DHX8: variants seen among roughly 807,000 people sequenced by gnomAD.
DHX8 encodes the protein ATP-dependent RNA helicase DHX8.
DHX8 carries 67 observed loss-of-function variants against 140.7 expected under a neutral mutation model. The observed-to-expected ratio is 0.48, with a 90% confidence interval of 0.39 to 0.58. The LOEUF is 0.58. Ranked by LOEUF, DHX8 falls within the 20% of genes least tolerant of loss-of-function variation. The probability of loss-of-function intolerance (pLI) is 0.00; values close to 1 mark genes in which losing one functional copy is unlikely to be tolerated. For synonymous variants in DHX8, 533 were observed against 553.2 expected (o/e 0.96, Z 0.51); for missense variants, 887 against 1,550.7 (o/e 0.57, Z 7.19).
chr17:43,489,622 G>GCAAAA, intron 2 of DHX8, 88 bp downstream of exon 2: 2 of 1,010,128 alleles, frequency 2.0e-6, no homozygotes, highest in Non-Finnish European at 2.9e-6. Context: ...ACAGAGTTTT[G>GCAAAA]CTCTGTCGCC....
chr17:43,527,037 C>T (rs961633577), downstream of DHX8, among the ~76,000 whole-genome samples: 7 of 152,090 alleles, frequency 4.6e-5, no homozygotes, highest in African/African-American at 1.7e-4. Flanking sequence ...GAGCATGTCT[C>T]CTGGGCAGCG....
intron 11 of DHX8, among the ~76,000 whole-genome samples, chr17:43,500,788 G>T (rs1320344801): frequency 6.6e-6 from 1 of 151,952 alleles, no homozygotes; most frequent in African/African-American, 2.4e-5. Flanking sequence ...GTGCGCGCCT[G>T]TAGTCCCAGC....
intron 18 of DHX8, 145 bp downstream of exon 18, chr17:43,517,467 A>G (rs1327030152): frequency 7.4e-6 from 7 of 941,394 alleles, no homozygotes; most frequent in Non-Finnish European, 1.1e-5. Context: ...AATGGCTGTG[A>G]TAACAGCCTC....
chr17:43,493,970 T>G, intron 8 of DHX8, 84 bp downstream of exon 8: 1 of 1,429,186 alleles, frequency 7.0e-7, no homozygotes, highest in African/African-American at 1.4e-5. Context: ...CACGATGGCC[T>G]GGGATAACTT....
intron 12 of DHX8, among the ~76,000 whole-genome samples, chr17:43,506,732 A>G (rs1271651205): frequency 6.6e-6 from 1 of 152,176 alleles, no homozygotes; most frequent in East Asian, 1.9e-4. Flanking sequence ...TGGCTGTTAC[A>G]AACAACGTAG....
chr17:43,493,852 G>A lies in DHX8; in HGVS notation c.1178G>A (p.Arg393Gln), dbSNP rs17854437. The change falls in exon 8 of 23, where the codon CGA becomes CAA. Residue 393 changes from arginine to glutamine, a missense_variant. By Grantham distance (43) the Arg-to-Gln change is conservative (BLOSUM62 1). Coordinates refer to ENST00000262415, the MANE Select transcript of DHX8 (RefSeq NM_004941.3). ...TCACTGGAACGCAAGCGCCTCACCC[G>A]AATCTCTGACCCAGAGAAGTGGGAG... Reference protein sequence around the residue: ...DDSLERKRLTRISDPEKWEIK... With the variant: ...DDSLERKRLTQISDPEKWEIK... The A allele has an allele frequency of 6.8e-6, 11 of 1,614,066 alleles. No individual in the cohort carries two copies. The highest frequency in any genetic ancestry group is 2.2e-5 in the East Asian group (1 of 44,888).
chr17:43,517,101 T>G, intron 17 of DHX8, 66 bp from the exon 18 acceptor site: 1 of 1,493,476 alleles, frequency 6.7e-7, no homozygotes, highest in African/African-American at 1.4e-5. Context: ...TTTTAACAGA[T>G]ATCCTGGGTA....
At chr17:43,529,407 G>A (rs1970765992), downstream of DHX8, 2 of 1,472,538 alleles carry the variant, frequency 1.4e-6, no homozygotes, top group African/African-American at 2.8e-5. Context: ...GGTAAAGCAA[G>A]AATCATGATG....
chr17:43,490,447 G>C lies in DHX8; in HGVS notation c.291G>C (p.Lys97Asn). ...RLIQTMRPPA[K>N]PSTSKDPVVK... ...TACAAACCATGCGGCCTCCAGCGAA[G>C]CCTTCCACTAGCAAAGGTAAGCAGA... is the stretch of plus-strand genomic sequence containing the variant. Residue 97 changes from lysine to asparagine, a missense_variant, in exon 3 of 23, where the codon AAG becomes AAC. Lys to Asn is a moderately conservative substitution (Grantham distance 94). This residue lies in a region of DHX8 where 304 missense variants were observed against 306.9 expected (regional missense o/e 0.99). Transcript: ENST00000262415. The C allele has an allele frequency of 6.2e-7, 1 of 1,613,740 alleles. No homozygotes were observed. Among genetic ancestry groups the C allele is most frequent in the South Asian group, 1.1e-5 (1 of 91,000 alleles).
chr17:43,483,994 T>A lies in DHX8; in HGVS notation c.-44T>A. On this transcript the variant is annotated 5_prime_UTR_variant, in exon 1 of 23. Transcript: ENST00000262415. ...AGCTGGAACCCGGCCGGAGTAGCTC[T>A]GAGCGCCGGCTGTGAGGAAGGAGGT... is the stretch of plus-strand genomic sequence containing the variant. 1 of 1,611,298 alleles carries A rather than the reference T, an allele frequency of 6.2e-7. No individual in the cohort carries two copies. The highest frequency in any genetic ancestry group is 8.5e-7 in the Non-Finnish European group (1 of 1,178,354).
chr17:43,491,894 G>C (rs574249931), intron 4 of DHX8, among the ~76,000 whole-genome samples: 2 of 152,148 alleles, frequency 1.3e-5, no homozygotes, highest in African/African-American at 4.8e-5. Context: ...TTTAACACCT[G>C]TTTTCTATTA....
chr17:43,507,397 C>T (rs1969555114), intron 13 of DHX8, 106 bp from the exon 14 acceptor site: 1 of 1,185,052 alleles, frequency 8.4e-7, no homozygotes, highest in African/African-American at 1.5e-5. Context: ...ACATCTTGAT[C>T]AGATTCTTAA....
intron 9 of DHX8, among the ~76,000 whole-genome samples, chr17:43,497,722 T>C (rs74730103): frequency 0.023 from 3,472 of 152,170 alleles, 54 homozygotes; most frequent in Non-Finnish European, 0.038. Context: ...GCCACTGTGC[T>C]GTAGCCTGGG....
At chr17:43,530,417 C>T, downstream of DHX8, 1 of 1,410,622 alleles carries the variant, frequency 7.1e-7, no homozygotes, top group Non-Finnish European at 9.2e-7. Context: ...TGGAAGGCAG[C>T]AGCGGGGGCT....
At chr17:43,526,553 C>G (rs927761507), downstream of DHX8, 6 of 1,535,524 alleles carry the variant, frequency 3.9e-6, no homozygotes, top group African/African-American at 8.2e-5. Context: ...AGTGCCTCTC[C>G]AAGTTTGAGG....
At chr17:43,527,361 C>G (rs1469061418), downstream of DHX8, among the ~76,000 whole-genome samples, 1 of 152,200 alleles carries the variant, frequency 6.6e-6, no homozygotes, top group Non-Finnish European at 1.5e-5. Context: ...TCCCCAACCC[C>G]AGCAAAAGTA....
intron 16 of DHX8, 83 bp from the exon 17 acceptor site, chr17:43,513,279 A>G: frequency 6.9e-7 from 1 of 1,442,590 alleles, no homozygotes; most frequent in South Asian, 1.4e-5. Context: ...TCCTTTGGGA[A>G]GATATCTGGG....
At chr17:43,522,802 G>A (rs1355765685) in intron 22 of DHX8, among the ~76,000 whole-genome samples, 4 of 145,116 alleles carry the variant, frequency 2.8e-5, no homozygotes, top group Admixed American at 1.4e-4. Context: ...GGTGGCTCAC[G>A]TCTGTAATCC....
intron 11 of DHX8, among the ~76,000 whole-genome samples, chr17:43,500,379 C>T (rs1244645131): frequency 1.3e-5 from 2 of 151,840 alleles, no homozygotes; most frequent in African/African-American, 4.8e-5. Context: ...CCCAGCTACT[C>T]GGGAGGCTGA....
Sources: gnomAD v4.1 joint callset for allele counts (sites outside exome capture counted in the v4.1 genomes callset) on GRCh38, gnomAD v4.1.1 for gene constraint, gnomAD v4.1.1 regional missense constraint, MANE v1.5 for transcripts, NCBI Gene and HGNC (gene_info 2026-07-23, HGNC 2026-07-21) for gene names.